RCC2: variants seen among roughly 807,000 people sequenced by gnomAD.
RCC2 encodes the protein protein RCC2.
In RCC2, 19 loss-of-function variants were observed where a neutral mutation model predicts 64.1. That is an observed-to-expected ratio of 0.30 (90% CI 0.21 to 0.44). RCC2 has a LOEUF of 0.44. Among genes scored for constraint, RCC2 ranks in the 20% least tolerant of loss-of-function variants. The pLI is 1.00. For missense variants in RCC2, 508 were observed against 710.4 expected (o/e 0.72, Z 3.24); for synonymous variants, 325 against 279.6 (o/e 1.16, Z -1.62).
intron 7 of RCC2, among the ~76,000 whole-genome samples, chr1:17,416,955 C>T (rs1036653382): frequency 6.6e-6 from 1 of 152,146 alleles, no homozygotes; most frequent in Non-Finnish European, 1.5e-5. Flanking sequence ...AGGTATTATA[C>T]GTTCAGATTG....
intron 6 of RCC2, among the ~76,000 whole-genome samples, chr1:17,421,950 G>A (rs369595809): frequency 6.6e-5 from 10 of 152,216 alleles, no homozygotes; most frequent in Admixed American, 3.3e-4. Context: ...ACTTGAACCC[G>A]GGAGGCGGAG....
Position 17,438,626 on chromosome 1 carries a change from C to T in RCC2, c.-8-104G>A, listed in dbSNP as rs1265841297. ...CCCGGCCTCCACTTCCTCCTCTGCC[C>T]TCCCCAAAGTGGCGGCCGCAGGGTG... On this transcript the variant is annotated intron_variant, in intron 1 of 12. Coordinates refer to ENST00000375436, the MANE Select transcript of RCC2 (RefSeq NM_018715.4). 6.9e-6 allele frequency: 8 copies of T among 1,158,704 alleles called. No individual in the cohort carries two copies. The South Asian group carries it at 2.3e-4, about 34-fold the overall frequency. The allele number at this position is 1,158,704 out of a possible 1,614,324, so 71.8% of individuals were successfully genotyped here.
intron 3 of RCC2, among the ~76,000 whole-genome samples, chr1:17,426,769 T>TC (rs1399469134): frequency 3.3e-5 from 2 of 61,154 alleles, no homozygotes; most frequent in African/African-American, 6.3e-5. Context: ...CTTTTTTTTT[T>TC]TTTTTTTTTT....
chr1:17,414,444 C>A (rs1322541569), intron 8 of RCC2, among the ~76,000 whole-genome samples: 1 of 151,202 alleles, frequency 6.6e-6, no homozygotes, highest in Admixed American at 6.6e-5. Context: ...ACAGGAGAAT[C>A]TCTTGAACCT....
chr1:17,418,778 C>CA (rs2075519202), intron 7 of RCC2, among the ~76,000 whole-genome samples: 1 of 152,200 alleles, frequency 6.6e-6, no homozygotes, highest in Non-Finnish European at 1.5e-5. Context: ...ACTTTTCTCA[C>CA]AAAAATGGTA....
chr1:17,435,696 C>G (rs1479943850), intron 2 of RCC2, among the ~76,000 whole-genome samples: 1 of 152,196 alleles, frequency 6.6e-6, no homozygotes, highest in Non-Finnish European at 1.5e-5. Context: ...GTGGGTGGAC[C>G]ACCTGAGATC....
At chr1:17,420,419 ATTTTT>A (rs960344783) in intron 7 of RCC2, among the ~76,000 whole-genome samples, 1 of 151,644 alleles carries the variant, frequency 6.6e-6, no homozygotes, top group Non-Finnish European at 1.5e-5. Flanking sequence ...AGGTGGTCTG[ATTTTT>A]TTTTAACTTT....
intron 3 of RCC2, among the ~76,000 whole-genome samples, chr1:17,427,008 G>C (rs918865464): frequency 6.6e-6 from 1 of 152,060 alleles, no homozygotes; most frequent in African/African-American, 2.4e-5. Flanking sequence ...TGATCCACTC[G>C]ACTCAGCCTT....
chr1:17,415,400 G>A (rs568826938), intron 8 of RCC2, among the ~76,000 whole-genome samples: 1 of 152,298 alleles, frequency 6.6e-6, no homozygotes, highest in South Asian at 2.1e-4. Flanking sequence ...AGAACCACAG[G>A]AAGGCCATTA....
chr1:17,408,975 T>C lies in RCC2; in HGVS notation c.*115A>G. On this transcript the variant is annotated 3_prime_UTR_variant, in exon 13 of 13. Coordinates refer to ENST00000375436, the MANE Select transcript of RCC2 (RefSeq NM_018715.4). ...GAACCTCAGGGAGTCTAAACAAAAATGCACCTTCGGTCAACTTTTGCTTTT... is the reference window on the plus strand; with the variant it reads ...GAACCTCAGGGAGTCTAAACAAAAACGCACCTTCGGTCAACTTTTGCTTTT... 1 of 809,942 alleles carries C rather than the reference T, an allele frequency of 1.2e-6. No homozygotes were observed. Among genetic ancestry groups the C allele is most frequent in the African/African-American group, 1.7e-5 (1 of 59,132 alleles). 50.2% of individuals were successfully genotyped at this position (809,942 alleles called of 1,614,324 possible). A position where few individuals can be genotyped will look rare whatever the true frequency, so the allele number is the denominator to read the frequency against.
chr1:17,426,490 C>A (rs1459153173), intron 3 of RCC2, among the ~76,000 whole-genome samples: 2 of 152,162 alleles, frequency 1.3e-5, no homozygotes, highest in Non-Finnish European at 2.9e-5. Context: ...GGGCAACATC[C>A]ACTGAGAAAT....
intron 3 of RCC2, among the ~76,000 whole-genome samples, chr1:17,426,029 C>T (rs1045230238): frequency 3.9e-5 from 6 of 152,140 alleles, no homozygotes; most frequent in Admixed American, 3.3e-4. Context: ...CGCAAGTGCC[C>T]GGGACCTGGT....
rs954311072 is a variant in RCC2 at position 17,416,422 on chromosome 1, A to G, written c.1026+58T>C. Reference sequence around the variant, plus strand: ...AAGCCAAGCGTCAGGAAACTTGAGCATAAACACCCCTTCCATCCTGGTGCG... The same window carrying G: ...AAGCCAAGCGTCAGGAAACTTGAGCGTAAACACCCCTTCCATCCTGGTGCG... On this transcript the variant is annotated intron_variant, in intron 8 of 12. Coordinates refer to ENST00000375436, the MANE Select transcript of RCC2 (RefSeq NM_018715.4). 7 of 1,544,350 alleles carry G rather than the reference A, an allele frequency of 4.5e-6. No individual in the cohort carries two copies. In the African/African-American group the frequency reaches 6.8e-5, roughly 15 times the overall value.
chr1:17,409,312 T>C, intron 12 of RCC2, 118 bp from the exon 13 acceptor site: 1 of 700,764 alleles, frequency 1.4e-6, no homozygotes, highest in South Asian at 1.6e-5. Context: ...CAGAGTGCCC[T>C]TGAAAACTGC....
At chr1:17,416,077 AAG>A (rs1491348408) in intron 8 of RCC2, among the ~76,000 whole-genome samples, 3,247 of 20,524 alleles carry the variant, frequency 0.16, 63 homozygotes, top group Middle Eastern at 0.44. Context: ...CCAAAAAAAA[AAG>A]GGGGGGGGGG....
At chr1:17,432,614 C>G (rs1250702984) in intron 2 of RCC2, among the ~76,000 whole-genome samples, 1 of 152,190 alleles carries the variant, frequency 6.6e-6, no homozygotes, top group African/African-American at 2.4e-5. Flanking sequence ...CACCAGAAGC[C>G]TCAGCTCCAT....
intron 2 of RCC2, among the ~76,000 whole-genome samples, chr1:17,431,333 C>CAA (rs1168877538): frequency 2.4e-3 from 23 of 9,630 alleles, no homozygotes; most frequent in African/African-American, 4.2e-3. Context: ...GACTCCATCT[C>CAA]AAAAAAAAAA....
intron 8 of RCC2, among the ~76,000 whole-genome samples, chr1:17,415,713 T>A (rs12093155): frequency 2.3e-4 from 32 of 140,754 alleles, no homozygotes; most frequent in South Asian, 6.8e-4. Flanking sequence ...CCGCCTCAAA[T>A]AAAAAAAAAA....
chr1:17,412,005 G>C (rs1277840244), intron 11 of RCC2, 117 bp downstream of exon 11: 1 of 870,496 alleles, frequency 1.1e-6, no homozygotes, highest in African/African-American at 1.7e-5. Flanking sequence ...ACAATAAGGG[G>C]GGAATCCCAA....
Sources: allele counts gnomAD v4.1 joint callset (sites outside exome capture counted in the v4.1 genomes callset), GRCh38; gene constraint gnomAD v4.1.1; transcripts MANE v1.5; gene names NCBI Gene and HGNC (gene_info 2026-07-23, HGNC 2026-07-21).